UGGT2: variants seen among roughly 807,000 people sequenced by gnomAD.
UGGT2 encodes the protein UDP-glucose:glycoprotein glucosyltransferase 2.
Under a neutral mutation model 192.1 loss-of-function variants are expected in UGGT2, and 180 were observed. The ratio of observed to expected loss-of-function variants is 0.94; its 90% confidence interval spans 0.83 to 1.06. UGGT2 has a LOEUF of 1.06. UGGT2 is among the 50% of genes least tolerant of loss of function. UGGT2 has a pLI of 0.00. For synonymous variants in UGGT2, 580 were observed against 591.0 expected, an observed-to-expected ratio of 0.98 and a Z score of 0.27; for missense variants, 1,849 against 1,795.7, an observed-to-expected ratio of 1.03 and a Z score of -0.54.
rs528683997 is a variant in UGGT2, at chr13:95,859,513, T to TC, written c.3825+77_3825+78insG. ...AAAAAGCTTATTCTGAAAAGAGAAA[T>TC]ATCATATAAACTTACAATGATACAA... On this transcript the variant is annotated intron_variant, in intron 33 of 38. Transcript: ENST00000376747. 471 of 1,153,832 alleles carry TC rather than the reference T, an allele frequency of 4.1e-4. 8 individuals are homozygous for TC. In the South Asian group the frequency reaches 5.9e-3, roughly 15 times the overall value. The allele number at this position is 1,153,832 out of a possible 1,614,324, so 71.5% of individuals were successfully genotyped here. A position where few individuals can be genotyped will look rare whatever the true frequency, so the allele number is the denominator to read the frequency against.
At chr13:95,960,932 C>T (rs1384387550) in intron 12 of UGGT2, among the ~76,000 whole-genome samples, 1 of 152,080 alleles carries the variant, frequency 6.6e-6, no homozygotes, top group Non-Finnish European at 1.5e-5. Context: ...CTATACCCAG[C>T]AAAGTTATCC....
chr13:95,852,060 G>A (rs539337754), intron 36 of UGGT2, among the ~76,000 whole-genome samples: 21 of 151,888 alleles, frequency 1.4e-4, no homozygotes, highest in Non-Finnish European at 2.9e-4. Context: ...TATATTTGAA[G>A]ATCTCCCAAT....
chr13:95,985,145 A>G (rs547012382), intron 9 of UGGT2: 14 of 570,536 alleles, frequency 2.5e-5, no homozygotes, highest in Non-Finnish European at 3.7e-5. Context: ...TCAAGACTAA[A>G]GTTATTTTAC....
chr13:96,045,323 A>G (rs988865075), intron 1 of UGGT2, among the ~76,000 whole-genome samples: 1 of 152,196 alleles, frequency 6.6e-6, no homozygotes. Flanking sequence ...ATCGGCATAC[A>G]AGGGACATAC....
In UGGT2 at chr13:95,995,612, A is replaced by C. The variant is rs183089624; in HGVS notation, c.830+451T>G. ...TGCAATACACACAAACTGGTACACAAAAAAAAAATTAAATGAAAAAGTAGG... is the reference window on the plus strand; with the variant it reads ...TGCAATACACACAAACTGGTACACACAAAAAAAATTAAATGAAAAAGTAGG... On this transcript the variant is annotated intron_variant, in intron 7 of 38. Transcript: ENST00000376747. Among the ~76,000 whole-genome samples, 18 of 151,538 alleles carry C rather than the reference A, an allele frequency of 1.2e-4. 1 individual carries two copies. The highest frequency in any genetic ancestry group is 2.5e-4 in the Non-Finnish European group (17 of 67,836).
rs189009329 is a variant in UGGT2, at chr13:95,948,017, T to G, written c.1520A>C (p.Tyr507Ser). ...TTACCTAAGAGGAACTTCGTGAGAA[T>G]AGAAAACATCAGCAAGTTTTATAAA... ...LDFIKLADVFYSHEVPLRIGF... is the reference protein window; with the variant it reads ...LDFIKLADVFSSHEVPLRIGF... Residue 507 changes from tyrosine (Y) to serine (S), a missense_variant, in exon 14 of 39, where the codon TAT becomes TCT. Physicochemically the swap from Tyr to Ser is moderately radical, Grantham distance 144. Coordinates refer to ENST00000376747, the MANE Select transcript of UGGT2 (RefSeq NM_020121.4). 9 of 1,612,940 alleles carry G rather than the reference T, an allele frequency of 5.6e-6. No individual in the cohort carries two copies. Among genetic ancestry groups the G allele is most frequent in the Non-Finnish European group, 7.6e-6 (9 of 1,179,514 alleles).
At chr13:95,815,852 T>C (rs1468654530) in intron 38 of UGGT2, among the ~76,000 whole-genome samples, 6 of 152,210 alleles carry the variant, frequency 3.9e-5, no homozygotes, top group African/African-American at 1.4e-4. Context: ...TATAATTCCC[T>C]GGTAGGAGGT....
At chr13:95,961,568 G>T (rs2050393180) in intron 12 of UGGT2, among the ~76,000 whole-genome samples, 1 of 151,966 alleles carries the variant, frequency 6.6e-6, no homozygotes, top group South Asian at 2.1e-4. Context: ...AAACATATAT[G>T]CACCCAAACA....
intron 2 of UGGT2, 64 bp downstream of exon 2, chr13:96,031,825 A>C: frequency 7.9e-7 from 1 of 1,258,778 alleles, no homozygotes; most frequent in South Asian, 1.5e-5. Context: ...TTAAAAAATA[A>C]TAAACATTAC....
At position 95,929,595 on chromosome 13, in the gene UGGT2, G is replaced by A. The variant is rs75914307; in HGVS notation, c.1978-2259C>T. Among the ~76,000 whole-genome samples, 259 of 152,308 alleles carry A rather than the reference G, an allele frequency of 1.7e-3. 4 individuals carry two copies. In the East Asian group the frequency reaches 0.041, roughly 24 times the overall value. ...GTTAGTTTGCTTGGCCTCCAGCTGAGTCCATGTTGCTCCAAAGGGGACGAT... is the reference window on the plus strand; with the variant it reads ...GTTAGTTTGCTTGGCCTCCAGCTGAATCCATGTTGCTCCAAAGGGGACGAT... On this transcript the variant is annotated intron_variant, in intron 17 of 38. Coordinates refer to ENST00000376747, the MANE Select transcript of UGGT2 (RefSeq NM_020121.4).
rs949545066 is a variant in UGGT2 at position 95,803,487 on chromosome 13, C to T, written c.4529-1675G>A. ...GTTGGTCAGGCTGGTCTCGAACTCC[C>T]GACCTCAGGTGATCCACCCGCCTTG... On this transcript the variant is annotated intron_variant, in intron 38 of 38. Transcript: ENST00000376747. Among the ~76,000 whole-genome samples the T allele has an allele frequency of 6.6e-5, 10 of 151,898 alleles. No homozygotes were observed. The East Asian group carries it at 1.4e-3, about 21-fold the overall frequency.
At chr13:95,888,092 T>G in intron 25 of UGGT2, 121 bp from the exon 26 acceptor site, 1 of 596,704 alleles carries the variant, frequency 1.7e-6, no homozygotes, top group Non-Finnish European at 2.7e-6. Flanking sequence ...ACTTGATCCT[T>G]ACAACGCCCT....
chr13:96,011,794 A>G (rs1443160918), intron 5 of UGGT2, among the ~76,000 whole-genome samples: 2 of 152,072 alleles, frequency 1.3e-5, no homozygotes, highest in African/African-American at 4.8e-5. Context: ...TACATCACAG[A>G]TGATACTTTT....
chr13:95,999,377 C>T (rs2051726153), intron 5 of UGGT2, 70 bp from the exon 6 acceptor site: 1 of 1,381,640 alleles, frequency 7.2e-7, no homozygotes, highest in Non-Finnish European at 1.0e-6. Context: ...AAGTCAGTAC[C>T]ACGATGTATT....
intron 20 of UGGT2, among the ~76,000 whole-genome samples, chr13:95,912,061 A>G (rs1245829200): frequency 6.6e-6 from 1 of 151,602 alleles, no homozygotes; most frequent in Non-Finnish European, 1.5e-5. Context: ...AACTCTCAAT[A>G]AACTAGGTAT....
intron 12 of UGGT2, among the ~76,000 whole-genome samples, chr13:95,958,174 CAG>C (rs1259644997): frequency 6.6e-6 from 1 of 151,210 alleles, no homozygotes; most frequent in East Asian, 1.9e-4. Context: ...TTTTTTAAGA[CAG>C]AGTCTTGCTC....
rs2050729497 is a variant in UGGT2, at chr13:95,970,244, T to A, written c.1203A>T (p.Lys401Asn). The A allele has an allele frequency of 6.2e-7, 1 of 1,612,576 alleles. No individual in the cohort carries two copies. The highest frequency in any genetic ancestry group is 1.3e-5 in the African/African-American group (1 of 75,000). The change falls in exon 12 of 39, where the codon AAA (lysine) becomes AAT (asparagine). Residue 401 changes from lysine (K) to asparagine (N), a missense_variant. By Grantham distance (94) the Lys-to-Asn change is moderately conservative. Coordinates refer to ENST00000376747, the MANE Select transcript of UGGT2 (RefSeq NM_020121.4). ...GGCCATTCATCATTTTTCCTTCTAA[T>A]TTCAGCATATCCAAAATACTATATA... Reference protein sequence around the residue: ...YDAFSILDMLKLEGKMMNGLR... With the variant: ...YDAFSILDMLNLEGKMMNGLR...
rs139332325 is a variant in UGGT2 at position 96,029,406 on chromosome 13, C to T, written c.241+2483G>A. Among the ~76,000 whole-genome samples, 34 of 152,102 alleles carry T rather than the reference C, an allele frequency of 2.2e-4. No homozygotes were observed. In the East Asian group the frequency reaches 6.4e-3, roughly 29 times the overall value. ...TGTTCAAGTGAGTCTTGTGCCTCAG[C>T]CTCCCGAGTAGCTGGATTACAGGCC... On this transcript the variant is annotated intron_variant, in intron 2 of 38. Coordinates refer to ENST00000376747, the MANE Select transcript of UGGT2 (RefSeq NM_020121.4).
Position 96,023,116 on chromosome 13 carries a change from C to A in UGGT2, c.409G>T (p.Ala137Ser). ...TGCTTCTTATGAATAACCACAAATG[C>A]ATTACAACCATCTGGTGGTGGCTCA... Reference protein sequence around the residue: ...ADEPPPDGCNAFVVIHKKHTC... With the variant: ...ADEPPPDGCNSFVVIHKKHTC... Residue 137 changes from alanine (A) to serine (S), a missense_variant, in exon 4 of 39, where the codon GCA becomes TCA. Physicochemically the swap from Ala to Ser is moderately conservative, Grantham distance 99. Transcript: ENST00000376747. 6.3e-7 allele frequency: 1 copy of A among 1,595,424 alleles called. No individual in the cohort carries two copies. Among genetic ancestry groups the A allele is most frequent in the Non-Finnish European group, 8.6e-7 (1 of 1,169,574 alleles).
Sources: allele counts gnomAD v4.1 joint callset (sites outside exome capture counted in the v4.1 genomes callset), GRCh38; gene constraint gnomAD v4.1.1; transcripts MANE v1.5; gene names NCBI Gene and HGNC (gene_info 2026-07-23, HGNC 2026-07-21).